ZNF292: variants seen among roughly 807,000 people sequenced by gnomAD.
ZNF292 encodes the protein zinc finger protein 292, also known as 16 zinc-finger domain protein.
In ZNF292, 26 loss-of-function variants were observed where a neutral mutation model predicts 217.9. That is an observed-to-expected ratio of 0.12 (90% CI 0.09 to 0.17). The LOEUF is 0.17. Ranked by LOEUF, ZNF292 falls within the 10% of genes least tolerant of loss-of-function variation. ZNF292 has a pLI of 1.00. For missense variants in ZNF292, 2,904 were observed against 3,175.2 expected, an observed-to-expected ratio of 0.91 and a Z score of 2.05; for synonymous variants, 1,257 against 1,124.1, an observed-to-expected ratio of 1.12 and a Z score of -2.37.
intron 1 of ZNF292, among the ~76,000 whole-genome samples, chr6:87,164,866 G>A (rs1359702630): frequency 3.3e-5 from 5 of 149,990 alleles, no homozygotes; most frequent in African/African-American, 4.9e-5. Flanking sequence ...CAGTTCAAGC[G>A]AGTCTTCTGC....
intron 1 of ZNF292, among the ~76,000 whole-genome samples, chr6:87,180,263 T>C (rs1192529047): frequency 7.2e-5 from 11 of 152,268 alleles, no homozygotes; most frequent in Non-Finnish European, 1.5e-4. Flanking sequence ...CAAGCTTGCC[T>C]TCGGCATTTC....
chr6:87,186,925 C>T (rs987005365), intron 1 of ZNF292, among the ~76,000 whole-genome samples: 7 of 152,168 alleles, frequency 4.6e-5, no homozygotes, highest in African/African-American at 7.2e-5. Flanking sequence ...CAACTACTCA[C>T]GTTACATTAG....
At position 87,247,200 on chromosome 6, in the gene ZNF292, G is replaced by T. The variant is rs190800469; in HGVS notation, c.1020+1556G>T. Among the ~76,000 whole-genome samples the T allele has an allele frequency of 1.3e-4, 19 of 149,890 alleles. No individual in the cohort carries two copies. In the East Asian group the frequency reaches 2.9e-3, roughly 23 times the overall value. ...AAAAAAAAAAAAAGATCTTGGGCCA[G>T]CTCTTCTTGTCTACTTGGGTAGGTA... On this transcript the variant is annotated intron_variant, in intron 7 of 7. Coordinates refer to ENST00000369577, the MANE Select transcript of ZNF292 (RefSeq NM_015021.3).
rs1378814793 is a variant in ZNF292, at chr6:87,255,185, G to A, written c.1556G>A (p.Arg519Lys). 1 of 1,613,832 alleles carries A rather than the reference G, an allele frequency of 6.2e-7. No homozygotes were observed. ...ATTGGTGATGAAAAGCAGAAGAAGA[G>A]AGAGATAAAACAGTTAAGAGAGAGG... ...KDIGDEKQKK[R>K]EIKQLRERGF... Residue 519 changes from arginine (R) to lysine (K), a missense_variant, in exon 8 of 8, where the codon AGA (arginine) becomes AAA (lysine). Physicochemically the swap from Arg to Lys is conservative, Grantham distance 26 (BLOSUM62 2). This residue lies in a region of ZNF292 where 87 missense variants were observed against 99.6 expected (regional missense o/e 0.87). Transcript: ENST00000369577.
rs1015731939 is a variant in ZNF292, at chr6:87,261,879, C to CT, written c.*81dup. The CT allele has an allele frequency of 2.9e-5, 30 of 1,028,596 alleles. No homozygotes were observed. In the South Asian group the frequency reaches 4.3e-4, roughly 15 times the overall value. The allele number at this position is 1,028,596 out of a possible 1,614,324, so 63.7% of individuals were successfully genotyped here. A position where few individuals can be genotyped will look rare whatever the true frequency, so the allele number is the denominator to read the frequency against. ...CATCAAGCATGCTAGAATTGTGAAA[C>CT]TTTCATTATATTTTTTTGTTGTTGA... On this transcript the variant is annotated 3_prime_UTR_variant, in exon 8 of 8. Transcript: ENST00000369577.
intron 1 of ZNF292, among the ~76,000 whole-genome samples, chr6:87,174,627 G>A (rs527244358): frequency 6.6e-6 from 1 of 152,106 alleles, no homozygotes; most frequent in South Asian, 2.1e-4. Context: ...TCTTGTCCTA[G>A]AGTCATAATA....
intron 7 of ZNF292, among the ~76,000 whole-genome samples, chr6:87,253,191 C>T (rs1368675532): frequency 2.7e-5 from 4 of 146,336 alleles, no homozygotes; most frequent in African/African-American, 7.7e-5. Flanking sequence ...TGGGATTACA[C>T]GCATAAACCA....
Position 87,257,994 on chromosome 6 carries a change from G to T in ZNF292, c.4365G>T (p.Gln1455His). 1 of 1,613,910 alleles carries T rather than the reference G, an allele frequency of 6.2e-7. No individual in the cohort carries two copies. The highest frequency in any genetic ancestry group is 8.5e-7 in the Non-Finnish European group (1 of 1,179,826). ...EACFKDPSFL[Q>H]LLAENRSPAF... Reference sequence around the variant, plus strand: ...GTTTTAAAGATCCATCATTTCTACAGCTTCTTGCTGAAAATCGCTCGCCAG... The same window carrying T: ...GTTTTAAAGATCCATCATTTCTACATCTTCTTGCTGAAAATCGCTCGCCAG... Residue 1455 changes from glutamine to histidine, a missense_variant, in exon 8 of 8, where the codon CAG (glutamine) becomes CAT (histidine). Physicochemically the swap from Gln to His is conservative, Grantham distance 24. Around this residue, in one of 15 missense-constraint regions of ZNF292, gnomAD observed 622 missense variants for 573.1 expected, o/e 1.09. Coordinates refer to ENST00000369577, the MANE Select transcript of ZNF292 (RefSeq NM_015021.3).
rs756547908 is a variant in ZNF292 at position 87,155,720 on chromosome 6, C to T, written c.129C>T (p.Ala43=). 6.3e-7 allele frequency: 1 copy of T among 1,598,818 alleles called. No individual in the cohort carries two copies. Among genetic ancestry groups the T allele is most frequent in the South Asian group, 1.1e-5 (1 of 88,708 alleles). Residue 43 remains alanine (A), a synonymous_variant, in exon 1 of 8, where the codon GCC becomes GCT. Coordinates refer to ENST00000369577, the MANE Select transcript of ZNF292 (RefSeq NM_015021.3). ...ELQLRESRVP[A]VEAATDYCQQ... ...AGCTGCGGGAGAGCCGGGTACCGGC[C>T]GTGGAAGCGGCCACCGACTACTGTC...
chr6:87,219,904 C>T (rs1470485003), intron 4 of ZNF292, among the ~76,000 whole-genome samples: 3 of 152,180 alleles, frequency 2.0e-5, no homozygotes, highest in Admixed American at 6.5e-5. Flanking sequence ...CATGGCTCAC[C>T]GCAGCCTCAC....
rs539634094 is a variant in ZNF292, at chr6:87,205,570, C to G, written c.169-10333C>G. The stretch of plus-strand genomic sequence containing the variant: ...TAAGTTATTTTCAGATAAGATGATT[C>G]TTAATAATCTTATTTCAAATAATAT... On this transcript the variant is annotated intron_variant, in intron 1 of 7. Coordinates refer to ENST00000369577, the MANE Select transcript of ZNF292 (RefSeq NM_015021.3). Among the ~76,000 whole-genome samples, 11 of 152,068 alleles carry G rather than the reference C, an allele frequency of 7.2e-5. No individual in the cohort carries two copies. The South Asian group carries it at 2.3e-3, about 32-fold the overall frequency.
At chr6:87,197,267 A>G (rs539890035) in intron 1 of ZNF292, among the ~76,000 whole-genome samples, 136 of 152,284 alleles carry the variant, frequency 8.9e-4, no homozygotes, top group South Asian at 2.3e-3. Context: ...GTAAAATAGC[A>G]TATCTGTTTG....
At chr6:87,197,774 A>T (rs1288495331) in intron 1 of ZNF292, among the ~76,000 whole-genome samples, 4 of 147,276 alleles carry the variant, frequency 2.7e-5, no homozygotes, top group East Asian at 2.0e-4. Flanking sequence ...GTTAGTTTCA[A>T]TTTTTTATCT....
chr6:87,261,671 T>C lies in ZNF292; in HGVS notation c.8042T>C (p.Val2681Ala), dbSNP rs200408605. The C allele has an allele frequency of 7.9e-5, 127 of 1,612,938 alleles. No homozygotes were observed. In the East Asian group the frequency reaches 2.8e-3, roughly 36 times the overall value. Residue 2681 changes from valine to alanine, a missense_variant, in exon 8 of 8, where the codon GTC becomes GCC. Coordinates refer to ENST00000369577, the MANE Select transcript of ZNF292 (RefSeq NM_015021.3). ...AATCTTAAAGATTGCACTGAGCTTG[T>C]CTTAAAGCAACTTCAGGAAATGAAA... ...DKNLKDCTEL[V>A]LKQLQEMKPT... is the part of the protein sequence containing the mutation.
Position 87,258,049 on chromosome 6 carries a change from G to A in ZNF292, c.4420G>A (p.Gly1474Ser). ...AFLPNTFPRSGVTNFNTSVSQ... is the reference protein window; with the variant it reads ...AFLPNTFPRSSVTNFNTSVSQ... ...TTTACCAAATACATTTCCTCGATCTGGTGTGACTAACTTTAATACCAGTGT... is the reference window on the plus strand; with the variant it reads ...TTTACCAAATACATTTCCTCGATCTAGTGTGACTAACTTTAATACCAGTGT... The change falls in exon 8 of 8, where the codon GGT becomes AGT. Residue 1474 changes from glycine to serine, a missense_variant. Transcript: ENST00000369577. The A allele has an allele frequency of 6.2e-7, 1 of 1,613,750 alleles. No homozygotes were observed. Among genetic ancestry groups the A allele is most frequent in the Non-Finnish European group, 8.5e-7 (1 of 1,179,794 alleles).
Position 87,257,607 on chromosome 6 carries a change from T to C in ZNF292, c.3978T>C (p.Val1326=). Residue 1326 remains valine (V), a synonymous_variant, in exon 8 of 8, where the codon GTT becomes GTC. Coordinates refer to ENST00000369577, the MANE Select transcript of ZNF292 (RefSeq NM_015021.3). ...ENAVFPSQVN[V]ANNFSSTNAQ... is the part of the protein sequence containing the mutation. ...CAGTTTTTCCTTCACAAGTGAATGT[T>C]GCAAATAACTTCAGTAGCACCAATG... 1.9e-6 allele frequency: 3 copies of C among 1,607,384 alleles called. No individual in the cohort carries two copies. The highest frequency in any genetic ancestry group is 2.5e-6 in the Non-Finnish European group (3 of 1,176,486).
At chr6:87,232,446 C>G (rs1479366686) in intron 4 of ZNF292, among the ~76,000 whole-genome samples, 2 of 152,034 alleles carry the variant, frequency 1.3e-5, no homozygotes, top group Non-Finnish European at 2.9e-5. Context: ...TTACTAAAAG[C>G]CTTCCCAAGG....
At chr6:87,239,069 A>G (rs1186847297) in intron 5 of ZNF292, among the ~76,000 whole-genome samples, 2 of 152,246 alleles carry the variant, frequency 1.3e-5, no homozygotes, top group Non-Finnish European at 2.9e-5. Flanking sequence ...AGAGTCTCCT[A>G]TGTCTACTTC....
chr6:87,238,638 TA>T lies in ZNF292; in HGVS notation c.742-4836del, dbSNP rs1436418419. Among the ~76,000 whole-genome samples the T allele has an allele frequency of 9.9e-5, 9 of 90,756 alleles. No homozygotes were observed. In the Admixed American group the frequency reaches 1.0e-3, roughly 10 times the overall value. The allele number at this position is 90,756 out of a possible 152,430, so 59.5% of individuals were successfully genotyped here. On this transcript the variant is annotated intron_variant, in intron 5 of 7. Transcript: ENST00000369577. ...TGGTTTTTTTTTTTCAGTAAGTATT[TA>T]TTTTTTTTATTTTTTTATTTTTTTA... is the stretch of plus-strand genomic sequence containing the variant.
Sources: allele counts gnomAD v4.1 joint callset (sites outside exome capture counted in the v4.1 genomes callset), GRCh38; gene constraint gnomAD v4.1.1; regional missense constraint gnomAD v4.1.1; transcripts MANE v1.5; gene names NCBI Gene and HGNC (gene_info 2026-07-23, HGNC 2026-07-21).